Variants in PDS5B observed in about 807,000 individuals in gnomAD.
PDS5B encodes the protein PDS5 cohesin associated factor B.
A neutral mutation model predicts 184.1 loss-of-function variants in PDS5B; 51 were observed. That is an observed-to-expected ratio of 0.28 (90% CI 0.22 to 0.35). The LOEUF (loss-of-function observed/expected upper bound fraction) is 0.35. Among genes scored for constraint, PDS5B ranks in the 10% least tolerant of loss-of-function variants. The probability of loss-of-function intolerance (pLI) is 1.00; values close to 1 mark genes in which losing one functional copy is unlikely to be tolerated. For synonymous variants in PDS5B, 566 were observed against 569.2 expected, an observed-to-expected ratio of 0.99 and a Z score of 0.08; for missense variants, 1,180 against 1,723.3, an observed-to-expected ratio of 0.68 and a Z score of 5.58.
intron 24 of PDS5B, among the ~76,000 whole-genome samples, chr13:32,751,755 C>G (rs536433462): frequency 1.3e-5 from 2 of 152,102 alleles, no homozygotes; most frequent in Admixed American, 1.3e-4. Flanking sequence ...GGATATTAGA[C>G]TTTTGTTGGA....
intron 17 of PDS5B, among the ~76,000 whole-genome samples, chr13:32,704,221 T>C: frequency 6.6e-6 from 1 of 151,902 alleles, no homozygotes. Context: ...CAGGCTAGAG[T>C]GCAGTGGCTT....
At chr13:32,604,495 T>C (rs2058029598) in intron 1 of PDS5B, among the ~76,000 whole-genome samples, 1 of 152,244 alleles carries the variant, frequency 6.6e-6, no homozygotes, top group Admixed American at 6.5e-5. Context: ...TAGAGGATTT[T>C]TGCATCGATG....
chr13:32,762,560 A>C (rs773716026), intron 30 of PDS5B, among the ~76,000 whole-genome samples: 9 of 152,128 alleles, frequency 5.9e-5, no homozygotes, highest in African/African-American at 1.2e-4. Context: ...GACCAGAAAC[A>C]TTTCCATCAA....
At chr13:32,652,850 T>C (rs1468373321) in intron 3 of PDS5B, among the ~76,000 whole-genome samples, 3 of 151,876 alleles carry the variant, frequency 2.0e-5, no homozygotes, top group Non-Finnish European at 4.4e-5. Context: ...AGTAAAACTA[T>C]ATAAATGCAA....
chr13:32,612,817 C>T (rs77458618), intron 1 of PDS5B, among the ~76,000 whole-genome samples: 7,365 of 152,248 alleles, frequency 0.048, 491 homozygotes, highest in African/African-American at 0.16. Flanking sequence ...ACGCTGGCCC[C>T]TCAATCTTGG....
intron 19 of PDS5B, among the ~76,000 whole-genome samples, chr13:32,720,454 T>A (rs1468229516): frequency 1.3e-5 from 2 of 152,122 alleles, no homozygotes; most frequent in African/African-American, 4.8e-5. Context: ...GTCATATAGT[T>A]CAGGGTTCAG....
chr13:32,669,617 G>A (rs1289172926), intron 7 of PDS5B, among the ~76,000 whole-genome samples: 1 of 152,140 alleles, frequency 6.6e-6, no homozygotes, highest in Non-Finnish European at 1.5e-5. Flanking sequence ...CTTATACCTT[G>A]TGTTAATTTC....
intron 30 of PDS5B, 151 bp downstream of exon 30, chr13:32,760,871 A>G (rs1278949216): frequency 2.6e-6 from 2 of 761,426 alleles, no homozygotes; most frequent in Non-Finnish European, 4.2e-6. Context: ...TCACAAGTTC[A>G]TACTTATTTG....
At chr13:32,759,721 G>A (rs376630629) in intron 29 of PDS5B, 31 bp downstream of exon 29, 1 of 1,225,744 alleles carries the variant, frequency 8.2e-7, no homozygotes, top group South Asian at 1.4e-5. Flanking sequence ...TAATTTTTAT[G>A]TGGTAGCTTA....
rs1329917777 is a variant in PDS5B at position 32,745,994 on chromosome 13, G to A, written c.2630G>A (p.Arg877His). Reference sequence around the variant, plus strand: ...TTTTTCAGTAAACCAGATATGTCACGTCTGAGACTTGCTGCTGGGAGTGCT... The same window carrying A: ...TTTTTCAGTAAACCAGATATGTCACATCTGAGACTTGCTGCTGGGAGTGCT... ...QGKISKPDMS[R>H]LRLAAGSAIV... The change falls in exon 24 of 35, where the codon CGT (arginine) becomes CAT (histidine). Residue 877 changes from arginine to histidine, a missense_variant. Transcript: ENST00000315596. 1.2e-6 allele frequency: 2 copies of A among 1,612,018 alleles called. No individual in the cohort carries two copies. Among genetic ancestry groups the A allele is most frequent in the African/African-American group, 1.3e-5 (1 of 74,810 alleles).
intron 1 of PDS5B, among the ~76,000 whole-genome samples, chr13:32,611,924 T>A (rs1484627002): frequency 2.6e-5 from 4 of 152,326 alleles, no homozygotes; most frequent in African/African-American, 9.6e-5. Flanking sequence ...GCAGAATCTT[T>A]ACTTTTCAAC....
At chr13:32,761,313 C>A (rs1051444764) in intron 30 of PDS5B, among the ~76,000 whole-genome samples, 1 of 151,808 alleles carries the variant, frequency 6.6e-6, no homozygotes, top group Non-Finnish European at 1.5e-5. Context: ...ATATAAACTT[C>A]GTTTTTTTAA....
Position 32,688,537 on chromosome 13 carries a change from C to T in PDS5B, c.1437C>T (p.Tyr479=), listed in dbSNP as rs758494144. The change falls in exon 13 of 35, where the codon TAC becomes TAT. Residue 479 remains tyrosine (Y), a synonymous_variant. Transcript: ENST00000315596. ...ETTERMKCLY[Y]LYATLDLNAV... Reference sequence around the variant, plus strand: ...CAGAACGGATGAAATGCTTATATTACTTGTATGCCACACTGGATTTAAATG... The same window carrying T: ...CAGAACGGATGAAATGCTTATATTATTTGTATGCCACACTGGATTTAAATG... 1 of 1,597,502 alleles carries T rather than the reference C, an allele frequency of 6.3e-7. No homozygotes were observed. The highest frequency in any genetic ancestry group is 2.2e-5 in the East Asian group (1 of 44,684).
intron 1 of PDS5B, among the ~76,000 whole-genome samples, chr13:32,608,352 G>T (rs115028727): frequency 2.0e-3 from 311 of 152,278 alleles, no homozygotes; most frequent in African/African-American, 7.3e-3. Flanking sequence ...GAGGAGACAG[G>T]TGGACATATT....
chr13:32,684,108 A>G (rs1029212493), intron 11 of PDS5B, 85 bp downstream of exon 11: 4 of 590,316 alleles, frequency 6.8e-6, no homozygotes, highest in Admixed American at 7.5e-5. Context: ...TTAAATATAC[A>G]TATTTAAATA....
intron 1 of PDS5B, among the ~76,000 whole-genome samples, chr13:32,595,599 C>T (rs2057853010): frequency 2.0e-5 from 3 of 152,162 alleles, no homozygotes; most frequent in African/African-American, 4.8e-5. Context: ...AACCACCATG[C>T]ATTCCCTAAA....
chr13:32,689,666 G>T (rs188484187), intron 13 of PDS5B: 1 of 152,094 alleles, frequency 6.6e-6, no homozygotes, highest in African/African-American at 2.4e-5. Flanking sequence ...GCCAGGATTC[G>T]CACTCAATCC....
intron 3 of PDS5B, among the ~76,000 whole-genome samples, chr13:32,656,273 C>CTTTTTTTTTTTTTTTTTTTTTTTTTTTT (rs71071057): frequency 2.1e-5 from 2 of 96,786 alleles, no homozygotes; most frequent in African/African-American, 4.0e-5. Flanking sequence ...TCTCCAGCTT[C>CTTTTTTTTTTTTTTTTTTTTTTTTTTTT]TTTTTTTTTT....
At chr13:32,739,180 A>G (rs1434320752) in intron 21 of PDS5B, among the ~76,000 whole-genome samples, 1 of 149,306 alleles carries the variant, frequency 6.7e-6, no homozygotes, top group Non-Finnish European at 1.5e-5. Context: ...TTTTTTTTGT[A>G]TGCTGTGATA....
Sources: gnomAD v4.1 joint callset for allele counts (sites outside exome capture counted in the v4.1 genomes callset) on GRCh38, gnomAD v4.1.1 for gene constraint, MANE v1.5 for transcripts, NCBI Gene and HGNC (gene_info 2026-07-23, HGNC 2026-07-21) for gene names.